The following PCDH15 variants were observed in gnomAD, a reference collection of about 807,000 sequenced individuals.
The protein encoded by PCDH15 is protocadherin related 15.
PCDH15 carries 129 observed loss-of-function variants against 178.5 expected under a neutral mutation model. The observed-to-expected ratio is 0.72, with a 90% CI of 0.63 to 0.84. The LOEUF is 0.84. Among genes scored for constraint, PCDH15 ranks in the 40% least tolerant of loss-of-function variants. The pLI is 0.00. For synonymous variants in PCDH15, 800 were observed against 732.0 expected (o/e 1.09, Z -1.50); for missense variants, 2,230 against 2,099.9 (o/e 1.06, Z -1.21).
chr10:54,316,512 A>T (rs1339150600), intron 8 of PCDH15, among the ~76,000 whole-genome samples: 1 of 151,712 alleles, frequency 6.6e-6, no homozygotes, highest in East Asian at 2.0e-4. Context: ...GGAATTTTTA[A>T]AAACAGAATA....
At chr10:54,401,371 A>T (rs1394520052) in intron 3 of PCDH15, among the ~76,000 whole-genome samples, 1 of 151,886 alleles carries the variant, frequency 6.6e-6, no homozygotes, top group Non-Finnish European at 1.5e-5. Context: ...CAAAAAAAAA[A>T]TTGACATTTT....
intron 20 of PCDH15, among the ~76,000 whole-genome samples, chr10:53,997,314 A>T (rs910189888): frequency 6.6e-6 from 1 of 152,126 alleles, no homozygotes; most frequent in Non-Finnish European, 1.5e-5. Context: ...TTGAGGCTCC[A>T]TGCAGGGAGT....
chr10:53,980,547 T>C (rs766454493), intron 21 of PCDH15, among the ~76,000 whole-genome samples: 13 of 152,154 alleles, frequency 8.5e-5, no homozygotes, highest in African/African-American at 1.7e-4. Flanking sequence ...AGATGCAAAG[T>C]TGTGTTTTTC....
chr10:54,073,871 G>A (rs902808271), intron 17 of PCDH15, among the ~76,000 whole-genome samples: 19 of 152,172 alleles, frequency 1.2e-4, no homozygotes, highest in African/African-American at 3.9e-4. Context: ...GATTAACACA[G>A]CTGCAATCCA....
chr10:54,199,570 C>CAATAATAATAAT (rs68082093), intron 10 of PCDH15, among the ~76,000 whole-genome samples: 8,915 of 142,454 alleles, frequency 0.063, 418 homozygotes, highest in Middle Eastern at 0.12. Flanking sequence ...ACAACAACAA[C>CAATAATAATAAT]AATAATAATA....
upstream of PCDH15, among the ~76,000 whole-genome samples, chr10:55,321,807 A>G (rs1843910193): frequency 6.6e-6 from 1 of 152,230 alleles, no homozygotes; most frequent in Non-Finnish European, 1.5e-5. Context: ...AGTAAATGCT[A>G]AAGAAATTCA....
chr10:55,358,068 T>C (rs1407686664), intron 2 of PCDH15, among the ~76,000 whole-genome samples: 1 of 151,998 alleles, frequency 6.6e-6, no homozygotes, highest in Non-Finnish European at 1.5e-5. Context: ...GAAGTGGGGG[T>C]GAAGAGCTCT....
intron 4 of PCDH15, among the ~76,000 whole-genome samples, chr10:54,377,960 C>T (rs2134999643): frequency 6.6e-6 from 1 of 151,944 alleles, no homozygotes; most frequent in Non-Finnish European, 1.5e-5. Flanking sequence ...GCTCTGCTGT[C>T]CTGGCTGGAG....
chr10:54,904,795 T>C (rs1375938347), intron 2 of PCDH15, among the ~76,000 whole-genome samples: 3 of 151,720 alleles, frequency 2.0e-5, no homozygotes, highest in African/African-American at 7.2e-5. Flanking sequence ...CTCTAATCAA[T>C]TTCCATGTGC....
intron 2 of PCDH15, among the ~76,000 whole-genome samples, chr10:55,420,895 C>T (rs545483933): frequency 6.6e-6 from 1 of 151,646 alleles, no homozygotes; most frequent in Non-Finnish European, 1.5e-5. Flanking sequence ...GAAGAAAAAG[C>T]ATCAAGAAGA....
rs1159940347 is a variant in PCDH15 at position 54,161,052 on chromosome 10, G to GTA, written c.1591-7761_1591-7760dup. Among the ~76,000 whole-genome samples, 18 of 152,116 alleles carry GTA rather than the reference G, an allele frequency of 1.2e-4. No homozygotes were observed. In the East Asian group the frequency reaches 2.9e-3, roughly 25 times the overall value. On this transcript the variant is annotated intron_variant, in intron 13 of 37. Coordinates refer to ENST00000644397, the MANE Select transcript of PCDH15 (RefSeq NM_001384140.1). ...CAAACAGAAAAATAAACATATATGT[G>GTA]TATATATATGTGTGTGTATATATAT... is the stretch of plus-strand genomic sequence containing the variant.
intron 3 of PCDH15, among the ~76,000 whole-genome samples, chr10:54,502,603 C>G (rs1251142783): frequency 6.6e-6 from 1 of 152,074 alleles, no homozygotes; most frequent in Non-Finnish European, 1.5e-5. Flanking sequence ...ATGCATGACA[C>G]AGAGTTTATG....
At chr10:54,796,361 C>A (rs1204860918) in intron 1 of PCDH15, among the ~76,000 whole-genome samples, 1 of 150,996 alleles carries the variant, frequency 6.6e-6, no homozygotes, top group African/African-American at 2.4e-5. Context: ...ATCAACCTTC[C>A]TATTATCTGT....
Position 55,052,924 on chromosome 10 carries a change from A to C in PCDH15, c.-80+113652T>G, listed in dbSNP as rs150850254. On this transcript the variant is annotated intron_variant, in intron 2 of 5. Transcript: ENST00000458638. The stretch of plus-strand genomic sequence containing the variant: ...GTAAACTCAGGCTGACATAGAATGA[A>C]ATTTGACATGCAGGAGCAAAGACTG... Among the ~76,000 whole-genome samples, 8 of 152,280 alleles carry C rather than the reference A, an allele frequency of 5.3e-5. No individual in the cohort carries two copies. In the East Asian group the frequency reaches 1.5e-3, roughly 29 times the overall value.
intron 2 of PCDH15, among the ~76,000 whole-genome samples, chr10:55,337,228 G>GA (rs1214538621): frequency 2.0e-5 from 3 of 152,156 alleles, no homozygotes; most frequent in African/African-American, 7.2e-5. Context: ...TTGGGTTGGA[G>GA]AAAAAAATTA....
intron 2 of PCDH15, among the ~76,000 whole-genome samples, chr10:55,055,199 G>A (rs926068160): frequency 4.6e-5 from 7 of 152,230 alleles, no homozygotes; most frequent in Middle Eastern, 3.4e-3. Context: ...TATGGTGTAC[G>A]AAAGGGATCC....
intron 2 of PCDH15, among the ~76,000 whole-genome samples, chr10:55,012,103 T>A (rs935384558): frequency 6.6e-6 from 1 of 152,152 alleles, no homozygotes; most frequent in African/African-American, 2.4e-5. Flanking sequence ...TCTTCATTTT[T>A]CTGAAAGTTA....
At chr10:55,414,630 C>CT (rs1565114748) in intron 2 of PCDH15, among the ~76,000 whole-genome samples, 1 of 151,198 alleles carries the variant, frequency 6.6e-6, no homozygotes, top group Non-Finnish European at 1.5e-5. Flanking sequence ...ATATTTTATT[C>CT]TTTTTGATGC....
chr10:54,369,636 T>C (rs573887473), intron 4 of PCDH15, among the ~76,000 whole-genome samples: 7 of 152,146 alleles, frequency 4.6e-5, no homozygotes, highest in Non-Finnish European at 8.8e-5. Flanking sequence ...AATTAATAAA[T>C]TCCTGGAGAA....
Sources: allele counts gnomAD v4.1 joint callset (sites outside exome capture counted in the v4.1 genomes callset), GRCh38; gene constraint gnomAD v4.1.1; transcripts MANE v1.5; gene names NCBI Gene and HGNC (gene_info 2026-07-23, HGNC 2026-07-21).